Variants in PIP5K1B observed in about 807,000 individuals in gnomAD.
PIP5K1B encodes the protein phosphatidylinositol-4-phosphate 5-kinase type 1 beta.
A neutral mutation model predicts 67.0 loss-of-function variants in PIP5K1B; 42 were observed. That is an observed-to-expected ratio of 0.63 (90% CI 0.49 to 0.81). PIP5K1B has a LOEUF of 0.81. Ranked by LOEUF, PIP5K1B falls within the 30% of genes least tolerant of loss-of-function variation. The pLI is 0.00. For missense variants in PIP5K1B, 459 were observed against 646.3 expected, an observed-to-expected ratio of 0.71 and a Z score of 3.14; for synonymous variants, 214 against 231.4, an observed-to-expected ratio of 0.92 and a Z score of 0.68.
intron 2 of PIP5K1B, among the ~76,000 whole-genome samples, chr9:68,816,867 C>T (rs1430316168): frequency 2.0e-5 from 3 of 152,054 alleles, no homozygotes; most frequent in African/African-American, 4.8e-5. Context: ...TTTCATAATC[C>T]ATCTTCCAAA....
intron 14 of PIP5K1B, among the ~76,000 whole-genome samples, chr9:68,942,859 ACTTAAT>A (rs1264379151): frequency 2.0e-5 from 3 of 152,226 alleles, no homozygotes; most frequent in African/African-American, 7.2e-5. Flanking sequence ...ACAAGAAACC[ACTTAAT>A]CTTAACCAGA....
At chr9:68,841,094 T>C (rs6560390) in intron 4 of PIP5K1B, among the ~76,000 whole-genome samples, 149,284 of 152,258 alleles carry the variant, frequency 0.98, 73,242 homozygotes, top group East Asian at 1. Flanking sequence ...ACTTCACTCC[T>C]TCCATAAAAT....
intron 4 of PIP5K1B, among the ~76,000 whole-genome samples, chr9:68,843,895 CCCTGCCAACATGGG>C (rs1366764013): frequency 6.6e-6 from 1 of 152,166 alleles, no homozygotes; most frequent in African/African-American, 2.4e-5. Context: ...CAGACACGGG[CCCTGCCAACATGGG>C]CCTGGGAAGA....
chr9:68,898,635 T>C (rs952074275), intron 8 of PIP5K1B, among the ~76,000 whole-genome samples: 3 of 152,168 alleles, frequency 2.0e-5, no homozygotes, highest in African/African-American at 7.2e-5. Flanking sequence ...TCTTCTAGTC[T>C]TCTGTGACCC....
At chr9:68,857,629 G>A (rs1822846101) in intron 4 of PIP5K1B, among the ~76,000 whole-genome samples, 1 of 152,184 alleles carries the variant, frequency 6.6e-6, no homozygotes, top group East Asian at 1.9e-4. Flanking sequence ...ATTTTGGGAG[G>A]CTGAGGCAGG....
At chr9:68,847,073 G>A (rs1408619273) in intron 4 of PIP5K1B, among the ~76,000 whole-genome samples, 1 of 152,094 alleles carries the variant, frequency 6.6e-6, no homozygotes, top group Non-Finnish European at 1.5e-5. Flanking sequence ...TAGCAATTAA[G>A]TCCTCCTGTC....
intron 14 of PIP5K1B, among the ~76,000 whole-genome samples, chr9:68,989,490 A>G (rs977018085): frequency 1.3e-5 from 2 of 151,680 alleles, no homozygotes; most frequent in Non-Finnish European, 2.9e-5. Flanking sequence ...CACATGGCCA[A>G]TGGCCAGCCT....
intron 2 of PIP5K1B, among the ~76,000 whole-genome samples, chr9:68,762,664 T>C (rs756395808): frequency 6.6e-6 from 1 of 152,162 alleles, no homozygotes; most frequent in Non-Finnish European, 1.5e-5. Context: ...TTTAGGTTAA[T>C]GGTATTATTT....
chr9:68,998,726 T>C (rs1830694285), intron 15 of PIP5K1B, among the ~76,000 whole-genome samples: 1 of 152,148 alleles, frequency 6.6e-6, no homozygotes, highest in Non-Finnish European at 1.5e-5. Flanking sequence ...CAAGTTTAGA[T>C]CACACCCATG....
At chr9:68,748,314 A>G (rs1008422272) in intron 2 of PIP5K1B, among the ~76,000 whole-genome samples, 8 of 152,208 alleles carry the variant, frequency 5.3e-5, no homozygotes, top group African/African-American at 1.9e-4. Context: ...CAGTCCCACC[A>G]TATCCTTCTC....
At chr9:68,769,625 A>G (rs1830587616) in intron 2 of PIP5K1B, among the ~76,000 whole-genome samples, 1 of 152,242 alleles carries the variant, frequency 6.6e-6, no homozygotes, top group African/African-American at 2.4e-5. Flanking sequence ...ATAAATATTT[A>G]TAACCTATAA....
chr9:68,994,839 T>C (rs541597682), intron 15 of PIP5K1B, among the ~76,000 whole-genome samples: 1 of 152,264 alleles, frequency 6.6e-6, no homozygotes, highest in Non-Finnish European at 1.5e-5. Context: ...TTCTCATCTA[T>C]AAAATGAATT....
chr9:68,965,627 C>G (rs1000426030), intron 14 of PIP5K1B: 1 of 152,172 alleles, frequency 6.6e-6, no homozygotes, highest in Non-Finnish European at 1.5e-5. Context: ...TGGTTCCATA[C>G]TTAAACCATC....
rs947502794 is a variant in PIP5K1B at position 68,711,952 on chromosome 9, C to A, written c.-243+6190C>A. Reference sequence around the variant, plus strand: ...CCTGGCGACTTTTCTGTTCTTCCAACCTAAAGGAGACCTTCTCCATATGTT... The same window carrying A: ...CCTGGCGACTTTTCTGTTCTTCCAAACTAAAGGAGACCTTCTCCATATGTT... On this transcript the variant is annotated intron_variant, in intron 1 of 15. Coordinates refer to ENST00000265382, the MANE Select transcript of PIP5K1B (RefSeq NM_003558.4). Among the ~76,000 whole-genome samples, 4 of 152,194 alleles carry A rather than the reference C, an allele frequency of 2.6e-5. No homozygotes were observed. The East Asian group carries it at 7.7e-4, about 29-fold the overall frequency.
At chr9:68,833,661 A>G (rs370464257) in intron 4 of PIP5K1B, among the ~76,000 whole-genome samples, 1 of 152,162 alleles carries the variant, frequency 6.6e-6, no homozygotes, top group East Asian at 1.9e-4. Context: ...GCCTAGACAA[A>G]GGTTGTGGAC....
intron 13 of PIP5K1B, among the ~76,000 whole-genome samples, chr9:68,938,452 A>G (rs1447640276): frequency 1.3e-5 from 2 of 152,022 alleles, no homozygotes; most frequent in African/African-American, 2.4e-5. Flanking sequence ...TTTGCTTGGT[A>G]AATATTCCTC....
chr9:68,734,268 GTGT>G (rs1431176592), intron 1 of PIP5K1B, among the ~76,000 whole-genome samples: 2 of 152,206 alleles, frequency 1.3e-5, no homozygotes, highest in African/African-American at 4.8e-5. Context: ...GTTTACTACA[GTGT>G]TGTTGAGGAA....
Position 68,804,588 on chromosome 9 carries a change from A to AT in PIP5K1B, c.-85-13854dup, listed in dbSNP as rs66469506. On this transcript the variant is annotated intron_variant, in intron 2 of 15. Coordinates refer to ENST00000265382, the MANE Select transcript of PIP5K1B (RefSeq NM_003558.4). ...ATATATTTTATTCTTCTAGTTTTCA[A>AT]TTTTTTTTTTTTTTTTTTTGAGAGA... 4.9e-3 allele frequency among the ~76,000 whole-genome samples: 613 copies of AT among 125,504 alleles called. 9 individuals carry two copies. The highest frequency in any genetic ancestry group is 0.037 in the South Asian group (137 of 3,724). 82.3% of individuals were successfully genotyped at this position (125,504 alleles called of 152,430 possible).
intron 4 of PIP5K1B, among the ~76,000 whole-genome samples, chr9:68,832,501 G>A (rs1234292175): frequency 6.6e-6 from 1 of 152,208 alleles, no homozygotes; most frequent in Non-Finnish European, 1.5e-5. Context: ...GTCTGGTCCT[G>A]TGTCAGCTGC....
Sources: allele counts gnomAD v4.1 joint callset (sites outside exome capture counted in the v4.1 genomes callset), GRCh38; gene constraint gnomAD v4.1.1; transcripts MANE v1.5; gene names NCBI Gene and HGNC (gene_info 2026-07-23, HGNC 2026-07-21).